Variants in MCM8 observed in about 807,000 individuals in gnomAD.
The protein encoded by MCM8 is DNA helicase MCM8.
In MCM8, 85 loss-of-function variants were observed where a neutral mutation model predicts 98.9. The observed-to-expected ratio is 0.86, with a 90% CI of 0.72 to 1.03. The LOEUF is 1.03. Among genes scored for constraint, MCM8 ranks in the 50% least tolerant of loss-of-function variants. MCM8 has a pLI of 0.00. For missense variants in MCM8, 951 were observed against 997.8 expected (o/e 0.95, Z 0.63); for synonymous variants, 352 against 338.6 (o/e 1.04, Z -0.44).
intron 10 of MCM8, among the ~76,000 whole-genome samples, chr20:5,970,237 G>T (rs774879771): frequency 5.3e-5 from 8 of 152,136 alleles, no homozygotes; most frequent in African/African-American, 1.4e-4. Context: ...ATACTTTCTG[G>T]CCCTTTAAGA....
At chr20:5,958,772 G>C (rs778856944) in intron 7 of MCM8, 46 bp downstream of exon 7, 12 of 1,539,256 alleles carry the variant, frequency 7.8e-6, no homozygotes, top group Non-Finnish European at 1.1e-5. Context: ...GGTAAAGAAG[G>C]CAAATCAGAA....
At chr20:5,975,331 AC>A (rs1477872119) in intron 12 of MCM8, among the ~76,000 whole-genome samples, 3 of 151,634 alleles carry the variant, frequency 2.0e-5, no homozygotes, top group Non-Finnish European at 4.4e-5. Context: ...CTGAATTGTT[AC>A]AGCTTTCTTT....
In MCM8 at chr20:5,975,663, A is replaced by AT. The variant is rs2089495722; in HGVS notation, c.1396-2207dup. Among the ~76,000 whole-genome samples, 4 of 151,054 alleles carry AT rather than the reference A, an allele frequency of 2.6e-5. No individual in the cohort carries two copies. In the South Asian group the frequency reaches 8.4e-4, roughly 32 times the overall value. ...AGGCGCCCACCACCACGCCCGGCTA[A>AT]TTTTTTGTATTTTTAGTAGAGACGG... is the stretch of plus-strand genomic sequence containing the variant. On this transcript the variant is annotated intron_variant, in intron 12 of 18. Coordinates refer to ENST00000610722, the MANE Select transcript of MCM8 (RefSeq NM_032485.6).
intron 17 of MCM8, among the ~76,000 whole-genome samples, chr20:5,992,346 C>A (rs1568602103): frequency 6.6e-6 from 1 of 152,024 alleles, no homozygotes; most frequent in Non-Finnish European, 1.5e-5. Context: ...CTTGCACCAA[C>A]CTAATAAGAA....
Position 5,985,019 on chromosome 20 carries a change from C to T in MCM8, c.1953+19C>T, listed in dbSNP as rs761558312. On this transcript the variant is annotated intron_variant, in intron 15 of 18. Coordinates refer to ENST00000610722, the MANE Select transcript of MCM8 (RefSeq NM_032485.6). ...ACTAAAGGTATAAATGTTTCTTCTC[C>T]TTATTCAGTTTGGTTCTGTTTGAAT... is the stretch of plus-strand genomic sequence containing the variant. The T allele has an allele frequency of 3.1e-6, 5 of 1,594,730 alleles. No individual in the cohort carries two copies. The Admixed American group carries it at 8.3e-5, about 27-fold the overall frequency.
intron 13 of MCM8, among the ~76,000 whole-genome samples, chr20:5,979,367 T>C (rs2089583936): frequency 6.6e-6 from 1 of 152,244 alleles, no homozygotes; most frequent in Non-Finnish European, 1.5e-5. Flanking sequence ...TTTCATTGGC[T>C]TTACCTACCT....
At chr20:5,993,969 C>T (rs978068728) in intron 18 of MCM8, 20 of 349,144 alleles carry the variant, frequency 5.7e-5, no homozygotes, top group African/African-American at 2.5e-4. Context: ...TCAAAGTTCT[C>T]GTGAAAATCA....
chr20:5,957,280 C>T (rs2089011352), intron 6 of MCM8, 51 bp downstream of exon 6: 2 of 1,365,570 alleles, frequency 1.5e-6, no homozygotes, highest in Middle Eastern at 1.8e-4. Context: ...CATTGAAGGC[C>T]ATTTAAGAAT....
At chr20:5,983,657 G>A (rs1374349164) in intron 14 of MCM8, among the ~76,000 whole-genome samples, 1 of 152,038 alleles carries the variant, frequency 6.6e-6, no homozygotes, top group Non-Finnish European at 1.5e-5. Context: ...CCGAGATTGT[G>A]CCACCACACT....
At chr20:5,971,979 A>AAT (rs1262206686) in intron 10 of MCM8, 28 bp from the exon 11 acceptor site, 1 of 1,604,940 alleles carries the variant, frequency 6.2e-7, no homozygotes, top group East Asian at 2.2e-5. Flanking sequence ...TATAAATTAG[A>AAT]ATTTATAAGT....
At chr20:5,965,116 A>G (rs1035457145) in intron 8 of MCM8, 1 of 152,170 alleles carries the variant, frequency 6.6e-6, no homozygotes, top group African/African-American at 2.4e-5. Context: ...TCCAGAGTTT[A>G]TTTATAGGTC....
intron 12 of MCM8, among the ~76,000 whole-genome samples, chr20:5,974,755 G>A (rs1048559058): frequency 1.3e-5 from 2 of 152,142 alleles, no homozygotes; most frequent in African/African-American, 4.8e-5. Context: ...CTTCATATCT[G>A]AGTCATCCTT....
rs1283809314 is a variant in MCM8, at chr20:5,995,171, A to G, written c.*780A>G. The G allele has an allele frequency of 6.5e-6, 1 of 152,724 alleles. No homozygotes were observed. The highest frequency in any genetic ancestry group is 1.5e-5 in the Non-Finnish European group (1 of 68,422). 9.5% of individuals were successfully genotyped at this position (152,724 alleles called of 1,614,324 possible). A position where few individuals can be genotyped will look rare whatever the true frequency, so the allele number is the denominator to read the frequency against. Reference sequence around the variant, plus strand: ...AATTTGAATTTCATAAAATTTTCCCATGTCAAGAATACAAAATACTTGAGT... The same window carrying G: ...AATTTGAATTTCATAAAATTTTCCCGTGTCAAGAATACAAAATACTTGAGT... On this transcript the variant is annotated 3_prime_UTR_variant, in exon 19 of 19. Coordinates refer to ENST00000610722, the MANE Select transcript of MCM8 (RefSeq NM_032485.6).
At chr20:5,966,478 T>C (rs1030154786) in intron 8 of MCM8, among the ~76,000 whole-genome samples, 28 of 152,224 alleles carry the variant, frequency 1.8e-4, no homozygotes, top group Non-Finnish European at 3.8e-4. Context: ...GTTTCCCCAT[T>C]GTTCCCTTTT....
chr20:5,977,494 TG>T (rs1182835160), intron 12 of MCM8, among the ~76,000 whole-genome samples: 1 of 152,272 alleles, frequency 6.6e-6, no homozygotes, highest in African/African-American at 2.4e-5. Flanking sequence ...TATTACCTGA[TG>T]TTTAAAGAAG....
rs140601176 is a variant in MCM8, at chr20:5,952,480, T to C, written c.205T>C (p.Leu69=). 4.8e-5 allele frequency: 78 copies of C among 1,613,982 alleles called. No homozygotes were observed. The highest frequency in any genetic ancestry group is 6.6e-5 in the Non-Finnish European group (78 of 1,179,996). The stretch of plus-strand genomic sequence containing the variant: ...GACCCCACAGTCAATGCAGTCAACA[T>C]TGGATCGATTCATACCATATAAAGG... ...TKTPQSMQST[L]DRFIPYKGWK... Residue 69 remains leucine, a synonymous_variant, in exon 3 of 19, where the codon TTG becomes CTG. Coordinates refer to ENST00000610722, the MANE Select transcript of MCM8 (RefSeq NM_032485.6).
In MCM8 at chr20:5,993,709, G is replaced by A; in HGVS notation, c.2430+14G>A. 1 of 1,554,910 alleles carries A rather than the reference G, an allele frequency of 6.4e-7. No homozygotes were observed. The highest frequency in any genetic ancestry group is 8.7e-7 in the Non-Finnish European group (1 of 1,143,478). ...CTAAACATTCAGGTATGTTAAACTAGTTAATCTCTTTTGTAATAATTTCAG... is the reference window on the plus strand; with the variant it reads ...CTAAACATTCAGGTATGTTAAACTAATTAATCTCTTTTGTAATAATTTCAG... On this transcript the variant is annotated intron_variant, in intron 18 of 18. Transcript: ENST00000610722.
intron 4 of MCM8, 75 bp downstream of exon 4, chr20:5,954,765 T>C (rs2088929305): frequency 2.3e-6 from 2 of 881,672 alleles, no homozygotes; most frequent in Non-Finnish European, 3.7e-6. Flanking sequence ...GTGATTATGA[T>C]CGTAGGCACT....
In MCM8 at chr20:5,997,210, G is replaced by GTTTTGCTCT. The variant is rs2089970814; in HGVS notation, c.*2828_*2836dup. 1 of 134,532 alleles carries GTTTTGCTCT rather than the reference G, an allele frequency of 7.4e-6. No individual in the cohort carries two copies. The highest frequency in any genetic ancestry group is 1.5e-5 in the Non-Finnish European group (1 of 65,778). 8.3% of individuals were successfully genotyped at this position (134,532 alleles called of 1,614,324 possible). A position where few individuals can be genotyped will look rare whatever the true frequency, so the allele number is the denominator to read the frequency against. ...CTTTTTTTTTTTTTTTTGAGACAGA[G>GTTTTGCTCT]TTTTGCTCTTTTTGCTCAGGCTGGA... On this transcript the variant is annotated 3_prime_UTR_variant, in exon 19 of 19. Transcript: ENST00000610722.
Sources: allele counts gnomAD v4.1 joint callset (sites outside exome capture counted in the v4.1 genomes callset), GRCh38; gene constraint gnomAD v4.1.1; transcripts MANE v1.5; gene names NCBI Gene and HGNC (gene_info 2026-07-23, HGNC 2026-07-21).